Variants in NDST4 observed in about 807,000 individuals in gnomAD.
NDST4 encodes N-deacetylase and N-sulfotransferase 4, also known as N-heparan sulfate sulfotransferase 4.
In NDST4, 63 loss-of-function variants were observed where a neutral mutation model predicts 100.8. The ratio of observed to expected loss-of-function variants is 0.62; its 90% confidence interval spans 0.51 to 0.77. The LOEUF (loss-of-function observed/expected upper bound fraction) is 0.77. Among genes scored for constraint, NDST4 ranks in the 30% least tolerant of loss-of-function variants. The pLI, the probability that NDST4 is intolerant of heterozygous loss-of-function variation, is 0.00. For synonymous variants in NDST4, 377 were observed against 361.8 expected (o/e 1.04, Z -0.48); for missense variants, 943 against 1,018.4 (o/e 0.93, Z 1.01).
chr4:114,924,385 G>A (rs1725346971), intron 6 of NDST4, among the ~76,000 whole-genome samples: 2 of 151,344 alleles, frequency 1.3e-5, no homozygotes, highest in Admixed American at 1.3e-4. Context: ...TACAGAAGTG[G>A]TGATTCATGT....
chr4:114,975,773 T>A (rs1008459135), intron 3 of NDST4, among the ~76,000 whole-genome samples: 1 of 152,092 alleles, frequency 6.6e-6, no homozygotes, highest in East Asian at 1.9e-4. Flanking sequence ...ATCCCATAAT[T>A]TTTCCCCCTG....
intron 6 of NDST4, among the ~76,000 whole-genome samples, chr4:114,899,209 G>A (rs529897179): frequency 4.6e-5 from 7 of 152,062 alleles, no homozygotes; most frequent in African/African-American, 1.7e-4. Context: ...ATGGAGCCTC[G>A]TTCTGTCACC....
rs185201116 is a variant in NDST4 at position 114,972,516 on chromosome 4, C to T, written c.1067-1932G>A. ...GTGTTAGTATTACTGACTCATAATTCATTGACTTTTGTTAATATATTAAGA... is the reference window on the plus strand; with the variant it reads ...GTGTTAGTATTACTGACTCATAATTTATTGACTTTTGTTAATATATTAAGA... On this transcript the variant is annotated intron_variant, in intron 3 of 13. Transcript: ENST00000264363. 1.7e-4 allele frequency among the ~76,000 whole-genome samples: 26 copies of T among 152,046 alleles called. No homozygotes were observed. In the East Asian group the frequency reaches 4.8e-3, roughly 28 times the overall value.
At chr4:115,055,891 G>A (rs1374560592) in intron 2 of NDST4, among the ~76,000 whole-genome samples, 1 of 152,110 alleles carries the variant, frequency 6.6e-6, no homozygotes, top group Non-Finnish European at 1.5e-5. Flanking sequence ...GTTACTCACA[G>A]TGTGGGCAAC....
chr4:114,901,279 T>C (rs1224274747), intron 6 of NDST4, among the ~76,000 whole-genome samples: 1 of 152,102 alleles, frequency 6.6e-6, no homozygotes, highest in Non-Finnish European at 1.5e-5. Context: ...ATTAATCTAT[T>C]TCTCTTTGAA....
intron 4 of NDST4, among the ~76,000 whole-genome samples, chr4:114,942,005 C>T (rs1332247721): frequency 6.6e-6 from 1 of 152,158 alleles, no homozygotes; most frequent in Non-Finnish European, 1.5e-5. Context: ...TTTGGTAAAA[C>T]ACTGCTCAAT....
intron 6 of NDST4, among the ~76,000 whole-genome samples, chr4:114,934,444 C>T (rs533377960): frequency 3.3e-5 from 5 of 151,780 alleles, no homozygotes; most frequent in Non-Finnish European, 7.4e-5. Context: ...GTCCCAGCTA[C>T]TTGGGAGTCT....
intron 1 of NDST4, among the ~76,000 whole-genome samples, chr4:115,111,564 T>A (rs1729953434): frequency 6.6e-6 from 1 of 151,686 alleles, no homozygotes; most frequent in East Asian, 1.9e-4. Flanking sequence ...TTACATATAT[T>A]TGCATTTTTA....
chr4:114,874,062 A>G (rs1164336281), intron 6 of NDST4, among the ~76,000 whole-genome samples: 3 of 152,142 alleles, frequency 2.0e-5, no homozygotes, highest in East Asian at 3.8e-4. Flanking sequence ...CATCATAACA[A>G]TATTTTTTAT....
intron 4 of NDST4, among the ~76,000 whole-genome samples, chr4:114,941,352 A>G (rs1160333425): frequency 6.6e-6 from 1 of 150,862 alleles, no homozygotes; most frequent in African/African-American, 2.4e-5. Flanking sequence ...TCCCCTCCCC[A>G]AAGTATGAAG....
chr4:114,972,225 CAA>C (rs566139917), intron 3 of NDST4, among the ~76,000 whole-genome samples: 219 of 152,074 alleles, frequency 1.4e-3, no homozygotes, highest in African/African-American at 5.1e-3. Context: ...CTATATTTAA[CAA>C]AGTCAGTAGA....
chr4:114,829,645 A>G, intron 13 of NDST4, 145 bp downstream of exon 13: 1 of 547,528 alleles, frequency 1.8e-6, no homozygotes, highest in Non-Finnish European at 3.2e-6. Flanking sequence ...CTATGTGTCA[A>G]TTATCTCTAT....
chr4:115,067,452 G>A (rs1370475648), intron 2 of NDST4, among the ~76,000 whole-genome samples: 1 of 151,614 alleles, frequency 6.6e-6, no homozygotes, highest in African/African-American at 2.4e-5. Context: ...CTCATCTTCT[G>A]TACTAACGTT....
At chr4:115,101,811 G>C (rs961113416) in intron 1 of NDST4, among the ~76,000 whole-genome samples, 1 of 152,098 alleles carries the variant, frequency 6.6e-6, no homozygotes, top group Non-Finnish European at 1.5e-5. Flanking sequence ...AGGAATATAT[G>C]CTTATTAGCA....
chr4:114,944,792 C>T (rs1003071345), intron 4 of NDST4, among the ~76,000 whole-genome samples: 5 of 152,118 alleles, frequency 3.3e-5, no homozygotes, highest in South Asian at 2.1e-4. Flanking sequence ...CAAACATATC[C>T]GAAAGCTTCA....
intron 2 of NDST4, among the ~76,000 whole-genome samples, chr4:114,988,358 T>TTTTC (rs1726959178): frequency 7.9e-6 from 1 of 126,356 alleles, no homozygotes; most frequent in Non-Finnish European, 1.7e-5. Context: ...ATATCTTTTT[T>TTTTC]TTTTTTTTTT....
chr4:115,111,183 A>T (rs13105185), intron 1 of NDST4, among the ~76,000 whole-genome samples: 1 of 151,718 alleles, frequency 6.6e-6, no homozygotes, highest in Admixed American at 6.6e-5. Flanking sequence ...CATTTAACCT[A>T]CTGGGGACAA....
intron 2 of NDST4, among the ~76,000 whole-genome samples, chr4:115,000,029 A>G (rs62315293): frequency 0.09 from 13,727 of 152,002 alleles, 842 homozygotes; most frequent in Non-Finnish European, 0.14. Flanking sequence ...AAAAGTCACG[A>G]ACAACTGTTA....
rs573205142 is a variant in NDST4 at position 115,109,372 on chromosome 4, T to C, written c.-247+4072A>G. ...ACATAAGTTCAATTGATGGTGGAAT[T>C]TGCAAAATAGAGAAATTCCTCTAAT... On this transcript the variant is annotated intron_variant, in intron 1 of 13. Coordinates refer to ENST00000264363, the MANE Select transcript of NDST4 (RefSeq NM_022569.3). Among the ~76,000 whole-genome samples, 407 of 152,042 alleles carry C rather than the reference T, an allele frequency of 2.7e-3. 4 individuals are homozygous for C. The highest frequency in any genetic ancestry group is 3.9e-3 in the Non-Finnish European group (266 of 67,896).
Sources: allele counts gnomAD v4.1 joint callset (sites outside exome capture counted in the v4.1 genomes callset), GRCh38; gene constraint gnomAD v4.1.1; transcripts MANE v1.5; gene names NCBI Gene and HGNC (gene_info 2026-07-23, HGNC 2026-07-21).